AK9: variants seen among roughly 807,000 people sequenced by gnomAD.
AK9 encodes adenylate kinase 9.
Under a neutral mutation model 239.6 loss-of-function variants are expected in AK9, and 191 were observed. That is an observed-to-expected ratio of 0.80 (90% CI 0.71 to 0.90). AK9 has a LOEUF of 0.90. Among genes scored for constraint, AK9 ranks in the 40% least tolerant of loss-of-function variants. The pLI, the probability that AK9 is intolerant of heterozygous loss-of-function variation, is 0.00. For synonymous variants in AK9, 689 were observed against 721.0 expected (o/e 0.96, Z 0.71); for missense variants, 1,995 against 2,214.7 (o/e 0.90, Z 1.99).
chr6:109,622,362 T>C (rs920935889), intron 12 of AK9, among the ~76,000 whole-genome samples: 2 of 142,980 alleles, frequency 1.4e-5, no homozygotes, highest in African/African-American at 2.5e-5. Flanking sequence ...ATAGTATATA[T>C]AGCATACTAT....
Position 109,568,017 on chromosome 6 carries a change from C to T in AK9, c.2345-3172G>A, listed in dbSNP as rs1423430598. On this transcript the variant is annotated intron_variant, in intron 21 of 40. Coordinates refer to ENST00000424296, the MANE Select transcript of AK9 (RefSeq NM_001145128.3). ...CCAATGTCCCTGATGAACATGGATG[C>T]AAAAATTCTCAATAAAATACTGGCA... Among the ~76,000 whole-genome samples, 3 of 151,990 alleles carry T rather than the reference C, an allele frequency of 2.0e-5. No homozygotes were observed. The East Asian group carries it at 5.8e-4, about 29-fold the overall frequency.
intron 1 of AK9, among the ~76,000 whole-genome samples, chr6:109,680,766 C>G (rs942221420): frequency 6.6e-6 from 1 of 152,146 alleles, no homozygotes; most frequent in African/African-American, 2.4e-5. Flanking sequence ...CTGCAGAAAC[C>G]CTACAAGCCA....
intron 24 of AK9, among the ~76,000 whole-genome samples, chr6:109,559,208 G>C (rs187814609): frequency 1.3e-5 from 2 of 148,688 alleles, no homozygotes; most frequent in Non-Finnish European, 3.0e-5. Context: ...TCTCTCTGTC[G>C]CCCAGGCGGA....
rs9480989 is a variant in AK9, at chr6:109,657,921, C to T, written c.631-1037G>A. On this transcript the variant is annotated intron_variant, in intron 7 of 40. Transcript: ENST00000424296. The stretch of plus-strand genomic sequence containing the variant: ...ATATTTATGATGCTAATTATTAATT[C>T]TTTCCCATTTTTATCAATGTACACA... Among the ~76,000 whole-genome samples the T allele has an allele frequency of 5.6e-3, 854 of 152,216 alleles. 9 individuals are homozygous for T. Among genetic ancestry groups the T allele is most frequent in the African/African-American group, 0.02 (824 of 41,526 alleles).
intron 37 of AK9, 80 bp downstream of exon 37, chr6:109,497,716 C>A (rs952076013): frequency 6.7e-7 from 1 of 1,502,844 alleles, no homozygotes; most frequent in Admixed American, 2.1e-5. Context: ...AACTTTTGAC[C>A]AATATGTTAA....
intron 23 of AK9, 97 bp downstream of exon 23, chr6:109,563,983 T>C: frequency 8.0e-7 from 1 of 1,249,790 alleles, no homozygotes; most frequent in Non-Finnish European, 1.1e-6. Flanking sequence ...TACTGAACAT[T>C]TACTTCATAA....
intron 8 of AK9, among the ~76,000 whole-genome samples, chr6:109,644,934 T>C (rs1309430378): frequency 6.6e-6 from 1 of 152,222 alleles, no homozygotes; most frequent in Non-Finnish European, 1.5e-5. Flanking sequence ...TTAATGTTTT[T>C]TCCAATACAA....
rs369610965 is a variant in AK9 at position 109,648,041 on chromosome 6, C to T, written c.760-3353G>A. ...AAATAAAGATGTTCTTTGAAACCAACGAGAACAAAGACACAACATACCAGA... is the reference window on the plus strand; with the variant it reads ...AAATAAAGATGTTCTTTGAAACCAATGAGAACAAAGACACAACATACCAGA... On this transcript the variant is annotated intron_variant, in intron 8 of 40. Coordinates refer to ENST00000424296, the MANE Select transcript of AK9 (RefSeq NM_001145128.3). 5.5e-4 allele frequency among the ~76,000 whole-genome samples: 84 copies of T among 152,032 alleles called. No individual in the cohort carries two copies. The South Asian group carries it at 0.015, about 27-fold the overall frequency.
At chr6:109,572,856 A>T (rs905739134) in intron 21 of AK9, among the ~76,000 whole-genome samples, 2 of 151,712 alleles carry the variant, frequency 1.3e-5, no homozygotes, top group Non-Finnish European at 2.9e-5. Flanking sequence ...CTTTAAGCCC[A>T]CTCTCTAGTC....
In AK9 at chr6:109,659,266, C is replaced by T. The variant is rs1294660269; in HGVS notation, c.592G>A (p.Glu198Lys). The stretch of plus-strand genomic sequence containing the variant: ...TGCTCTTCTTCCTCTTCTTCCTCTT[C>T]TCCTTTTCCGTCCTTTTGGGCTTCT... ...KKEAQKDGKG[E>K]EEEEEEEQEE... Residue 198 changes from glutamate to lysine, a missense_variant, in exon 7 of 41, where the codon GAA (glutamate) becomes AAA (lysine). This residue lies in a region of AK9 where 252 missense variants were observed against 246.4 expected (regional missense o/e 1.02). Transcript: ENST00000424296. The T allele has an allele frequency of 1.3e-6, 2 of 1,598,988 alleles. No homozygotes were observed. Among genetic ancestry groups the T allele is most frequent in the Non-Finnish European group, 1.7e-6 (2 of 1,175,448 alleles).
intron 5 of AK9, among the ~76,000 whole-genome samples, chr6:109,666,155 G>C (rs553317712): frequency 6.6e-6 from 1 of 152,308 alleles, no homozygotes; most frequent in African/African-American, 2.4e-5. Context: ...GAGATGTCTA[G>C]TATTATCATT....
intron 1 of AK9, among the ~76,000 whole-genome samples, chr6:109,685,353 G>A (rs1583583815): frequency 6.6e-6 from 1 of 152,204 alleles, no homozygotes; most frequent in South Asian, 2.1e-4. Context: ...TAATAGATTG[G>A]ATAAAGAAAA....
At chr6:109,586,824 A>C (rs1313207926) in intron 17 of AK9, among the ~76,000 whole-genome samples, 1 of 152,152 alleles carries the variant, frequency 6.6e-6, no homozygotes, top group Non-Finnish European at 1.5e-5. Context: ...GAAATTAGTA[A>C]TGTGTATCTA....
chr6:109,610,639 G>C, intron 16 of AK9, 126 bp from the exon 17 acceptor site: 1 of 1,036,540 alleles, frequency 9.6e-7, no homozygotes, highest in Non-Finnish European at 1.4e-6. Context: ...CGCAGCACAT[G>C]TTGGAAGGAG....
Position 109,494,049 on chromosome 6 carries a change from A to G in AK9, c.5465T>C (p.Leu1822Ser). ...ACTTAAAAAGGGGAACTTGGGCTTT[A>G]AGCATCCCGCTGCATTCATTGCTTT... is the stretch of plus-strand genomic sequence containing the variant. The part of the protein sequence containing the change: ...LIKAMNAAGC[L>S]KPKFPFLSIR... The change falls in exon 40 of 41, where the codon TTA (leucine) becomes TCA (serine). Residue 1822 changes from leucine to serine, a missense_variant. Leu to Ser is a moderately radical substitution (Grantham distance 145). Coordinates refer to ENST00000424296, the MANE Select transcript of AK9 (RefSeq NM_001145128.3). 1 of 1,613,838 alleles carries G rather than the reference A, an allele frequency of 6.2e-7. No individual in the cohort carries two copies. Among genetic ancestry groups the G allele is most frequent in the Non-Finnish European group, 8.5e-7 (1 of 1,179,758 alleles).
intron 27 of AK9, among the ~76,000 whole-genome samples, chr6:109,535,405 G>C (rs980287809): frequency 1.3e-4 from 20 of 152,052 alleles, no homozygotes; most frequent in Non-Finnish European, 2.8e-4. Context: ...AAATGTCTTC[G>C]TTTGAGAAGT....
At chr6:109,621,842 T>C (rs1230274456) in intron 12 of AK9, among the ~76,000 whole-genome samples, 4 of 127,824 alleles carry the variant, frequency 3.1e-5, no homozygotes, top group African/African-American at 1.2e-4. Flanking sequence ...TGTATACATA[T>C]GTAACTAACC....
At chr6:109,529,107 G>A (rs1044009101) in intron 28 of AK9, 34 bp from the exon 29 acceptor site, 2 of 1,526,530 alleles carry the variant, frequency 1.3e-6, no homozygotes, top group Admixed American at 2.2e-5. Flanking sequence ...AAATTGTAAT[G>A]GAGAATGATA....
intron 17 of AK9, among the ~76,000 whole-genome samples, chr6:109,604,343 A>G (rs1040367006): frequency 5.3e-5 from 8 of 152,322 alleles, no homozygotes; most frequent in Admixed American, 1.3e-4. Context: ...ATGTTAATAC[A>G]CTTTCTACTA....
Sources: gnomAD v4.1 joint callset for allele counts (sites outside exome capture counted in the v4.1 genomes callset) on GRCh38, gnomAD v4.1.1 for gene constraint, gnomAD v4.1.1 regional missense constraint, MANE v1.5 for transcripts, NCBI Gene and HGNC (gene_info 2026-07-23, HGNC 2026-07-21) for gene names.